MYO5B: variants seen among roughly 807,000 people sequenced by gnomAD.
MYO5B encodes myosin VB, also known as unconventional myosin-Vb.
Under a neutral mutation model 229.3 loss-of-function variants are expected in MYO5B, and 143 were observed. The ratio of observed to expected loss-of-function variants is 0.62; its 90% CI spans 0.54 to 0.72. MYO5B has a LOEUF of 0.72. Among genes scored for constraint, MYO5B ranks in the 30% least tolerant of loss-of-function variants. The pLI is 0.00. For missense variants in MYO5B, 2,321 were observed against 2,331.0 expected (o/e 1.00, Z 0.09); for synonymous variants, 918 against 885.2 (o/e 1.04, Z -0.66).
chr18:49,975,444 C>T (rs1176258584), intron 9 of MYO5B, among the ~76,000 whole-genome samples: 2 of 152,208 alleles, frequency 1.3e-5, no homozygotes, highest in Non-Finnish European at 2.9e-5. Context: ...GACGATGTCA[C>T]TCCCAGCACT....
intron 1 of MYO5B, among the ~76,000 whole-genome samples, chr18:50,084,495 C>T (rs917082859): frequency 1.3e-5 from 2 of 152,194 alleles, no homozygotes; most frequent in Non-Finnish European, 2.9e-5. Flanking sequence ...CTTTATGTTT[C>T]TCCTGCCTTC....
intron 22 of MYO5B, among the ~76,000 whole-genome samples, chr18:49,884,856 G>A (rs999761341): frequency 3.3e-5 from 5 of 152,094 alleles, no homozygotes; most frequent in African/African-American, 9.7e-5. Flanking sequence ...CTCCAAAGAA[G>A]ATATACAAAT....
chr18:50,055,402 C>T, intron 1 of MYO5B, 24 bp from the exon 2 acceptor site: 1 of 1,581,736 alleles, frequency 6.3e-7, no homozygotes, highest in Non-Finnish European at 8.7e-7. Flanking sequence ...ACAGAAGAAA[C>T]TTAGATACAG....
chr18:50,126,397 C>G (rs1027666089), intron 1 of MYO5B: 10 of 154,802 alleles, frequency 6.5e-5, no homozygotes, highest in African/African-American at 2.4e-4. Context: ...ACTGGGGAGA[C>G]ACATCAACCA....
At chr18:50,146,167 T>C (rs1397886161) in intron 1 of MYO5B, among the ~76,000 whole-genome samples, 1 of 152,202 alleles carries the variant, frequency 6.6e-6, no homozygotes, top group Non-Finnish European at 1.5e-5. Flanking sequence ...CCCTAGCAGG[T>C]TGATGGGCCA....
intron 1 of MYO5B, among the ~76,000 whole-genome samples, chr18:50,140,994 T>C (rs1450419913): frequency 6.6e-6 from 1 of 152,232 alleles, no homozygotes; most frequent in Non-Finnish European, 1.5e-5. Context: ...GAAGCTCAAC[T>C]GAGCCGCAGT....
At chr18:49,831,453 A>G (rs1039175123) in intron 39 of MYO5B, among the ~76,000 whole-genome samples, 1 of 152,236 alleles carries the variant, frequency 6.6e-6, no homozygotes, top group Non-Finnish European at 1.5e-5. Context: ...AAAATGAATT[A>G]AATACTGGAA....
chr18:49,981,586 A>G (rs1369424220), intron 8 of MYO5B, among the ~76,000 whole-genome samples: 3 of 152,236 alleles, frequency 2.0e-5, no homozygotes, highest in Non-Finnish European at 4.4e-5. Flanking sequence ...CATACAAAGT[A>G]AAGAATAACA....
At chr18:50,088,852 C>T (rs1423263378) in intron 1 of MYO5B, among the ~76,000 whole-genome samples, 2 of 152,212 alleles carry the variant, frequency 1.3e-5, no homozygotes, top group African/African-American at 4.8e-5. Flanking sequence ...CTGCATATTA[C>T]ACCTTTTTGG....
chr18:49,856,888 T>C lies in MYO5B; in HGVS notation c.3947A>G (p.Lys1316Arg). 6.2e-7 allele frequency: 1 copy of C among 1,613,918 alleles called. No individual in the cohort carries two copies. Among genetic ancestry groups the C allele is most frequent in the Admixed American group, 1.7e-5 (1 of 60,030 alleles). Residue 1316 changes from lysine to arginine, a missense_variant and splice_region_variant, in exon 30 of 40, where the codon AAG (lysine) becomes AGG (arginine). Physicochemically the swap from Lys to Arg is conservative, Grantham distance 26. This residue lies in a region of MYO5B where 2,113 missense variants were observed against 2,044.7 expected (regional missense o/e 1.03). Coordinates refer to ENST00000285039, the MANE Select transcript of MYO5B (RefSeq NM_001080467.3). ...ATTTAAATATCCCCAATCCTCAGTC[T>C]TGCTAGAAACAAAGGACAGAAAAAC... The part of the protein sequence containing the change: ...AYHGVCQTNS[K>R]TEDWGYLNED...
At chr18:49,950,836 C>T (rs1296395697) in intron 14 of MYO5B, among the ~76,000 whole-genome samples, 5 of 152,202 alleles carry the variant, frequency 3.3e-5, no homozygotes, top group South Asian at 4.1e-4. Flanking sequence ...AGAGCTAACA[C>T]AGCAGGCCTG....
intron 29 of MYO5B, among the ~76,000 whole-genome samples, chr18:49,858,529 C>T (rs1269843468): frequency 1.3e-5 from 2 of 152,240 alleles, no homozygotes; most frequent in African/African-American, 4.8e-5. Flanking sequence ...CCCCACCCCC[C>T]AGGGAGGGGC....
chr18:49,903,594 A>G (rs1468962037), intron 20 of MYO5B, among the ~76,000 whole-genome samples: 2 of 152,166 alleles, frequency 1.3e-5, no homozygotes, highest in African/African-American at 4.8e-5. Flanking sequence ...ATACTACACC[A>G]GGGTGTGCTC....
chr18:49,918,787 A>G (rs2025044929), intron 17 of MYO5B, among the ~76,000 whole-genome samples: 1 of 152,198 alleles, frequency 6.6e-6, no homozygotes, highest in Non-Finnish European at 1.5e-5. Context: ...ACCAAGCAAC[A>G]TACACTTCTT....
chr18:50,080,386 A>G (rs551045069), intron 1 of MYO5B, among the ~76,000 whole-genome samples: 87 of 152,292 alleles, frequency 5.7e-4, no homozygotes, highest in African/African-American at 2.0e-3. Context: ...CCCTGAAAGC[A>G]AATCTACAGG....
intron 33 of MYO5B, among the ~76,000 whole-genome samples, chr18:49,845,410 A>G (rs1241184791): frequency 6.6e-6 from 1 of 152,218 alleles, no homozygotes; most frequent in Non-Finnish European, 1.5e-5. Context: ...CCTCGGCCCT[A>G]GGCACAGTGC....
chr18:49,904,559 G>T, intron 20 of MYO5B, 113 bp downstream of exon 20: 3 of 1,313,136 alleles, frequency 2.3e-6, no homozygotes, highest in Non-Finnish European at 3.3e-6. Flanking sequence ...AGATGTGAAA[G>T]CATTTAGAAA....
chr18:49,940,798 T>A (rs910040841), intron 14 of MYO5B, among the ~76,000 whole-genome samples: 3 of 152,212 alleles, frequency 2.0e-5, no homozygotes, highest in Admixed American at 1.3e-4. Flanking sequence ...ACTATCACAG[T>A]GGATTAGAAT....
chr18:49,836,934 C>G (rs1422744468), intron 37 of MYO5B, 49 bp from the exon 38 acceptor site: 5 of 1,574,786 alleles, frequency 3.2e-6, no homozygotes, highest in Non-Finnish European at 4.3e-6. Context: ...CCTCCTAATT[C>G]ACTGAGAAGG....
Sources: allele counts gnomAD v4.1 joint callset (sites outside exome capture counted in the v4.1 genomes callset), GRCh38; gene constraint gnomAD v4.1.1; regional missense constraint gnomAD v4.1.1; transcripts MANE v1.5; gene names NCBI Gene and HGNC (gene_info 2026-07-23, HGNC 2026-07-21).